The following PLCE1 variants were observed in gnomAD, a reference collection of about 807,000 sequenced individuals.
The protein encoded by PLCE1 is 1-phosphatidylinositol 4,5-bisphosphate phosphodiesterase epsilon-1.
In PLCE1, 119 loss-of-function variants were observed where a neutral mutation model predicts 242.8. The ratio of observed to expected loss-of-function variants is 0.49; its 90% CI spans 0.42 to 0.57. The LOEUF (loss-of-function observed/expected upper bound fraction) is 0.57. Among genes scored for constraint, PLCE1 ranks in the 20% least tolerant of loss-of-function variants. The probability of loss-of-function intolerance (pLI) is 0.00; values close to 1 mark genes in which losing one functional copy is unlikely to be tolerated. For missense variants in PLCE1, 2,441 were observed against 2,788.8 expected (o/e 0.88, Z 2.81); for synonymous variants, 945 against 1,017.4 (o/e 0.93, Z 1.35).
Position 94,306,347 on chromosome 10 carries a change from G to C in PLCE1, c.5623-80G>C. ...CCAGTGTTCTTGGGATTCCTTTGCA[G>C]AGGGAAGCAGTGAGGTGCAGAGGTT... On this transcript the variant is annotated intron_variant, in intron 25 of 32. Transcript: ENST00000371380. This position sits in a 1 kb window ranked among gnomAD's most constrained non-coding sequence, Gnocchi z 5.7. 1.2e-6 allele frequency: 2 copies of C among 1,611,354 alleles called. No individual in the cohort carries two copies. The highest frequency in any genetic ancestry group is 1.7e-6 in the Non-Finnish European group (2 of 1,177,902).
At chr10:94,179,987 T>C (rs924433459) in intron 4 of PLCE1, among the ~76,000 whole-genome samples, 1 of 150,472 alleles carries the variant, frequency 6.6e-6, no homozygotes, top group Non-Finnish European at 1.5e-5. Context: ...TAACTAATGA[T>C]AATAAATTCC....
intron 1 of PLCE1, among the ~76,000 whole-genome samples, chr10:94,007,897 G>A (rs991683299): frequency 6.6e-6 from 1 of 150,768 alleles, no homozygotes; most frequent in Non-Finnish European, 1.5e-5. Flanking sequence ...TAAGAATATG[G>A]CCAGGCATGG....
chr10:94,280,702 ATTCT>A (rs1227005947), intron 20 of PLCE1: 2 of 152,236 alleles, frequency 1.3e-5, no homozygotes, highest in Non-Finnish European at 2.9e-5. Flanking sequence ...AGTAGAATAT[ATTCT>A]TTCTATGTAG....
At chr10:94,145,887 G>T (rs2047097394) in intron 3 of PLCE1, among the ~76,000 whole-genome samples, 1 of 152,048 alleles carries the variant, frequency 6.6e-6, no homozygotes, top group Non-Finnish European at 1.5e-5. Context: ...ACAACCTTCT[G>T]GTTGGGTTCT....
At chr10:94,206,481 A>G (rs748760553) in intron 4 of PLCE1, among the ~76,000 whole-genome samples, 7 of 152,152 alleles carry the variant, frequency 4.6e-5, no homozygotes, top group Non-Finnish European at 8.8e-5. Flanking sequence ...TCCTTTTCTG[A>G]CTTGTTTCTG....
intron 1 of PLCE1, among the ~76,000 whole-genome samples, chr10:94,002,813 T>G (rs2060956824): frequency 6.6e-6 from 1 of 152,188 alleles, no homozygotes; most frequent in Non-Finnish European, 1.5e-5. Context: ...CAAATAAAAT[T>G]GGGATCACAT....
At chr10:94,317,908 T>G (rs1589533228) in intron 29 of PLCE1, among the ~76,000 whole-genome samples, 1 of 152,216 alleles carries the variant, frequency 6.6e-6, no homozygotes, top group East Asian at 1.9e-4. Context: ...CAAGCCCTGT[T>G]CTGGGCACAT....
chr10:94,314,662 G>A (rs1384656670), intron 28 of PLCE1, among the ~76,000 whole-genome samples: 2 of 152,172 alleles, frequency 1.3e-5, no homozygotes, highest in African/African-American at 4.8e-5. Flanking sequence ...CAAGGGAATG[G>A]CCCTTTAGCT....
intron 2 of PLCE1, among the ~76,000 whole-genome samples, chr10:94,079,928 C>T (rs140494971): frequency 4.6e-5 from 7 of 152,358 alleles, no homozygotes; most frequent in East Asian, 1.9e-4. Flanking sequence ...TCCTCTGCAA[C>T]TCAATCTACC....
At chr10:94,088,020 T>A (rs960961252) in intron 2 of PLCE1, 1 of 152,242 alleles carries the variant, frequency 6.6e-6, no homozygotes, top group South Asian at 2.1e-4. Context: ...TTTGTCCCTC[T>A]GCAGGGTGTT....
chr10:94,281,808 A>C (rs532703451), intron 20 of PLCE1, among the ~76,000 whole-genome samples: 1 of 152,010 alleles, frequency 6.6e-6, no homozygotes, highest in Non-Finnish European at 1.5e-5. Context: ...CAGGCCTTGT[A>C]GTTATGCTGT....
chr10:94,232,979 G>T (rs368874010), intron 5 of PLCE1, among the ~76,000 whole-genome samples: 10 of 152,256 alleles, frequency 6.6e-5, no homozygotes, highest in African/African-American at 2.4e-4. Context: ...CTGCACTTGG[G>T]GTGACTTCAT....
At position 94,031,251 on chromosome 10, in the gene PLCE1, T is replaced by C; in HGVS notation, c.205T>C (p.Leu69=). The C allele has an allele frequency of 6.2e-7, 1 of 1,613,864 alleles. No homozygotes were observed. Among genetic ancestry groups the C allele is most frequent in the African/African-American group, 1.3e-5 (1 of 75,016 alleles). Residue 69 remains leucine, a synonymous_variant, in exon 2 of 33, where the codon TTG becomes CTG. Transcript: ENST00000371380. ...KLKEEPSGSN[L]PKILSIAREK... ...TAAAGAAGAACCTTCTGGAAGCAAC[T>C]TGCCAAAGATTCTCTCAATAGCGAG...
intron 30 of PLCE1, among the ~76,000 whole-genome samples, chr10:94,323,170 A>C (rs892421363): frequency 2.0e-5 from 3 of 152,152 alleles, no homozygotes; most frequent in Non-Finnish European, 2.9e-5. Flanking sequence ...GACAAGTAGG[A>C]GGCCTACTCT....
intron 1 of PLCE1, among the ~76,000 whole-genome samples, chr10:94,015,028 C>T (rs2061252364): frequency 6.6e-6 from 1 of 152,224 alleles, no homozygotes; most frequent in African/African-American, 2.4e-5. Flanking sequence ...TGAATCTTCA[C>T]TTCACCTGTG....
At chr10:94,026,339 G>T (rs1292064291) in intron 1 of PLCE1, among the ~76,000 whole-genome samples, 1 of 151,986 alleles carries the variant, frequency 6.6e-6, no homozygotes, top group Admixed American at 6.6e-5. Flanking sequence ...ATACTATCTT[G>T]ACAGGTACCC....
chr10:94,213,353 C>T (rs1033881061), intron 4 of PLCE1, among the ~76,000 whole-genome samples: 2 of 152,088 alleles, frequency 1.3e-5, no homozygotes, highest in African/African-American at 4.8e-5. Flanking sequence ...TGGTTTAATC[C>T]CAGCCCATCA....
At chr10:94,091,371 A>G (rs1203674710) in intron 2 of PLCE1, among the ~76,000 whole-genome samples, 2 of 152,204 alleles carry the variant, frequency 1.3e-5, no homozygotes, top group Non-Finnish European at 2.9e-5. Flanking sequence ...GCAGTAAACA[A>G]TGCTTTAGAT....
chr10:94,041,522 C>T (rs1012868320), intron 2 of PLCE1, among the ~76,000 whole-genome samples: 5 of 152,126 alleles, frequency 3.3e-5, no homozygotes, highest in African/African-American at 1.2e-4. Context: ...CTGTTAGAAC[C>T]CTTGAGAAAG....
Sources: gnomAD v4.1 joint callset for allele counts (sites outside exome capture counted in the v4.1 genomes callset) on GRCh38, gnomAD v4.1.1 for gene constraint, Gnocchi (gnomAD v3.1) non-coding constraint, MANE v1.5 for transcripts, NCBI Gene and HGNC (gene_info 2026-07-23, HGNC 2026-07-21) for gene names.